Variants in TNIK observed in about 807,000 individuals in gnomAD.
TNIK encodes TRAF2 and NCK interacting kinase, also known as TRAF2 and NCK-interacting protein kinase.
In TNIK, 49 loss-of-function variants were observed where a neutral mutation model predicts 191.3. That is an observed-to-expected ratio of 0.26 (90% CI 0.20 to 0.32). The LOEUF (loss-of-function observed/expected upper bound fraction) is 0.32. Among genes scored for constraint, TNIK ranks in the 10% least tolerant of loss-of-function variants. The probability of loss-of-function intolerance (pLI) is 1.00; values close to 1 mark genes in which losing one functional copy is unlikely to be tolerated. For missense variants in TNIK, 1,155 were observed against 1,702.3 expected (o/e 0.68, Z 5.66); for synonymous variants, 594 against 600.9 (o/e 0.99, Z 0.17).
intron 17 of TNIK, among the ~76,000 whole-genome samples, chr3:171,124,301 C>G (rs926306446): frequency 6.6e-6 from 1 of 152,182 alleles, no homozygotes; most frequent in African/African-American, 2.4e-5. Flanking sequence ...ACCAAAAGCA[C>G]TGTGTCTTGG....
chr3:171,156,672 C>T (rs1450200310), intron 12 of TNIK, among the ~76,000 whole-genome samples: 5 of 152,220 alleles, frequency 3.3e-5, no homozygotes, highest in Non-Finnish European at 7.3e-5. Context: ...AGGTGAGAGT[C>T]TGGCCCAGGA....
intron 1 of TNIK, among the ~76,000 whole-genome samples, chr3:171,379,782 G>A (rs967565576): frequency 6.6e-6 from 1 of 152,068 alleles, no homozygotes; most frequent in African/African-American, 2.4e-5. Context: ...AGGCTGAGGC[G>A]GGCAGATCAC....
chr3:171,155,096 G>A (rs368737038), intron 12 of TNIK, among the ~76,000 whole-genome samples: 86 of 152,316 alleles, frequency 5.6e-4, no homozygotes, highest in African/African-American at 2.0e-3. Context: ...GACCAAAGGG[G>A]TAGCTAAGTG....
chr3:171,399,663 C>CA (rs1560023127), intron 1 of TNIK, among the ~76,000 whole-genome samples: 1 of 151,668 alleles, frequency 6.6e-6, no homozygotes, highest in East Asian at 1.9e-4. Flanking sequence ...TACCAAAAAA[C>CA]AAAAAAGGAA....
intron 1 of TNIK, among the ~76,000 whole-genome samples, chr3:171,371,532 T>C (rs890374930): frequency 2.6e-5 from 4 of 152,052 alleles, no homozygotes; most frequent in African/African-American, 7.2e-5. Flanking sequence ...AATCCAGAAG[T>C]CCAGAAGTTC....
intron 21 of TNIK, among the ~76,000 whole-genome samples, chr3:171,105,770 A>C (rs552143084): frequency 6.6e-6 from 1 of 152,298 alleles, no homozygotes; most frequent in East Asian, 1.9e-4. Flanking sequence ...CTCCAAGCCA[A>C]TTTCTGAACT....
rs150148674 is a variant in TNIK, at chr3:171,125,883, A to T, written c.2013+29T>A. On this transcript the variant is annotated intron_variant, in intron 17 of 32. Coordinates refer to ENST00000436636, the MANE Select transcript of TNIK (RefSeq NM_015028.4). ...ATAAAAATCATCAGTGATGCTGGTG[A>T]TTAAAAAAAACACCCCAGTAAATAT... 5.0e-5 allele frequency: 80 copies of T among 1,611,044 alleles called. No individual in the cohort carries two copies. In the Middle Eastern group the frequency reaches 6.9e-4, roughly 14 times the overall value.
chr3:171,217,760 G>T (rs1741626439), intron 3 of TNIK, among the ~76,000 whole-genome samples: 1 of 152,084 alleles, frequency 6.6e-6, no homozygotes, highest in African/African-American at 2.4e-5. Flanking sequence ...AGAAGTATGT[G>T]GTAGCTGATC....
At chr3:171,161,241 A>AT in intron 11 of TNIK, 29 bp downstream of exon 11, 1 of 1,604,846 alleles carries the variant, frequency 6.2e-7, no homozygotes, top group South Asian at 1.1e-5. Context: ...GAATGTGAAC[A>AT]TTAGAAGACT....
rs1447280523 is a variant in TNIK, at chr3:171,108,176, A to C, written c.2285-14T>G. The C allele has an allele frequency of 8.5e-6, 13 of 1,525,556 alleles. No individual in the cohort carries two copies. Among genetic ancestry groups the C allele is most frequent in the Non-Finnish European group, 1.1e-5 (13 of 1,137,532 alleles). The allele number at this position is 1,525,556 out of a possible 1,614,324, so 94.5% of individuals were successfully genotyped here. On this transcript the variant is annotated splice_polypyrimidine_tract_variant and intron_variant, in intron 19 of 32. Transcript: ENST00000436636. ...ACTTACTGTTGGCTAGAGGAAAAAA[A>C]CAGAGGACCAAGAAAGAGATGGCCA...
At chr3:171,234,839 G>A (rs1029382972) in intron 2 of TNIK, among the ~76,000 whole-genome samples, 5 of 152,176 alleles carry the variant, frequency 3.3e-5, no homozygotes. Context: ...GACAAGATGA[G>A]GGGTGACGAG....
At chr3:171,342,168 G>T (rs1757600671) in intron 2 of TNIK, among the ~76,000 whole-genome samples, 1 of 152,194 alleles carries the variant, frequency 6.6e-6, no homozygotes, top group Non-Finnish European at 1.5e-5. Context: ...ACTTTAGTGT[G>T]CATGGGAATT....
At chr3:171,216,332 T>C (rs1741447671) in intron 3 of TNIK, among the ~76,000 whole-genome samples, 1 of 152,234 alleles carries the variant, frequency 6.6e-6, no homozygotes, top group Non-Finnish European at 1.5e-5. Flanking sequence ...AAGCAATATC[T>C]ACTTATACAA....
chr3:171,434,936 A>C (rs1415307373), intron 1 of TNIK, among the ~76,000 whole-genome samples: 1 of 152,216 alleles, frequency 6.6e-6, no homozygotes, highest in Non-Finnish European at 1.5e-5. Context: ...GTAAAAAAAA[A>C]CACACAACTG....
intron 18 of TNIK, among the ~76,000 whole-genome samples, chr3:171,113,368 G>A (rs1726155738): frequency 6.6e-6 from 1 of 152,140 alleles, no homozygotes; most frequent in African/African-American, 2.4e-5. Context: ...CACTTTGGGA[G>A]GCCAAGGCAG....
Position 171,460,389 on chromosome 3 carries a change from G to A in TNIK, c.-326C>T. 1 of 427,650 alleles carries A rather than the reference G, an allele frequency of 2.3e-6. No homozygotes were observed. Among genetic ancestry groups the A allele is most frequent in the South Asian group, 2.3e-5 (1 of 42,708 alleles). 26.5% of individuals were successfully genotyped at this position (427,650 alleles called of 1,614,324 possible). The stretch of plus-strand genomic sequence containing the variant: ...CTTCTTTGCTTGTGCGTGGATGGCG[G>A]CTGCATTGGCTGTTATAATGAGACA... On this transcript the variant is annotated 5_prime_UTR_variant, in exon 1 of 33. Transcript: ENST00000436636. The surrounding 1 kb of genome is among the most constrained non-coding windows in gnomAD (Gnocchi z 6.8).
chr3:171,451,646 G>T (rs1046656326), intron 1 of TNIK, among the ~76,000 whole-genome samples: 1 of 152,152 alleles, frequency 6.6e-6, no homozygotes, highest in Non-Finnish European at 1.5e-5. Context: ...CTACAAGAAT[G>T]AGCTTGGCAT....
intron 2 of TNIK, among the ~76,000 whole-genome samples, chr3:171,318,649 G>A (rs185307386): frequency 1.2e-3 from 178 of 152,000 alleles, no homozygotes; most frequent in African/African-American, 4.0e-3. Context: ...ATGGTCTATC[G>A]ATTTTATCCT....
intron 2 of TNIK, among the ~76,000 whole-genome samples, chr3:171,239,179 C>T (rs763272348): frequency 4.6e-5 from 7 of 152,122 alleles, no homozygotes; most frequent in Non-Finnish European, 8.8e-5. Flanking sequence ...TAAAGGTTTA[C>T]TTATAGTTTT....
Sources: allele counts gnomAD v4.1 joint callset (sites outside exome capture counted in the v4.1 genomes callset), GRCh38; gene constraint gnomAD v4.1.1; non-coding constraint Gnocchi (gnomAD v3.1); transcripts MANE v1.5; gene names NCBI Gene and HGNC (gene_info 2026-07-23, HGNC 2026-07-21).